GTF2IRD2B: variants seen among roughly 807,000 people sequenced by gnomAD.
The protein encoded by GTF2IRD2B is GTF2I repeat domain containing 2B.
A neutral mutation model predicts 55.6 loss-of-function variants in GTF2IRD2B; 10 were observed. The observed-to-expected ratio is 0.18, with a 90% CI of 0.11 to 0.31. The LOEUF is 0.31. Ranked by LOEUF, GTF2IRD2B falls within the 10% of genes least tolerant of loss-of-function variation. GTF2IRD2B has a pLI of 1.00. For synonymous variants in GTF2IRD2B, 107 were observed against 320.5 expected (o/e 0.33, Z 7.12); for missense variants, 206 against 802.7 (o/e 0.26, Z 8.98).
At chr7:75,146,000 A>C (rs1584552700) in intron 15 of GTF2IRD2B, among the ~76,000 whole-genome samples, 1 of 87,944 alleles carries the variant, frequency 1.1e-5, no homozygotes, top group Non-Finnish European at 2.2e-5. Context: ...CTGGGACAGC[A>C]CTGCCATGCC....
intron 2 of GTF2IRD2B, among the ~76,000 whole-genome samples, chr7:75,112,085 TACACAC>T (rs782659655): frequency 0.012 from 270 of 23,394 alleles, 17 homozygotes; most frequent in East Asian, 0.023. Flanking sequence ...CTACTAAAAA[TACACAC>T]ACACACACAC....
At position 75,112,506 on chromosome 7, in the gene GTF2IRD2B, C is replaced by A. The variant is rs1440249591; in HGVS notation, c.209C>A (p.Thr70Lys). The A allele has an allele frequency of 1.1e-6, 1 of 896,180 alleles. No homozygotes were observed. The highest frequency in any genetic ancestry group is 1.7e-6 in the Non-Finnish European group (1 of 598,906). The allele number at this position is 896,180 out of a possible 1,614,324, so 55.5% of individuals were successfully genotyped here. ...GGATGCGCTTTTGTTAATGCCAGGA[C>A]GGATTTTCAGAAAGATTTTGCAAAA... Reference protein sequence around the residue: ...ERGCAFVNARTDFQKDFAKYC... With the variant: ...ERGCAFVNARKDFQKDFAKYC... The change falls in exon 3 of 16, where the codon ACG (threonine) becomes AAG (lysine). Residue 70 changes from threonine (T) to lysine (K), a missense_variant. Transcript: ENST00000472837.
intron 2 of GTF2IRD2B, among the ~76,000 whole-genome samples, chr7:75,109,441 C>A (rs1807899407): frequency 7.2e-6 from 1 of 137,982 alleles, no homozygotes; most frequent in Non-Finnish European, 1.6e-5. Context: ...CGGGTTCAAG[C>A]AATTCTCCTG....
rs868995676 is a variant in GTF2IRD2B at position 75,123,888 on chromosome 7, A to C, written c.571+372A>C. 93 of 343,938 alleles carry C rather than the reference A, an allele frequency of 2.7e-4. 5 individuals are homozygous for C. Among genetic ancestry groups the C allele is most frequent in the Non-Finnish European group, 1.9e-4 (33 of 175,680 alleles). 21.3% of individuals were successfully genotyped at this position (343,938 alleles called of 1,614,324 possible). On this transcript the variant is annotated intron_variant, in intron 6 of 15. Transcript: ENST00000472837. ...GCAAGACTCCGTCTCAAAAAAAAAAACAAAACTTGAATTTGGGTGAGGGGA... is the reference window on the plus strand; with the variant it reads ...GCAAGACTCCGTCTCAAAAAAAAAACCAAAACTTGAATTTGGGTGAGGGGA...
intron 3 of GTF2IRD2B, among the ~76,000 whole-genome samples, chr7:75,116,614 G>C (rs1274321224): frequency 1.9e-4 from 27 of 141,922 alleles, no homozygotes; most frequent in African/African-American, 6.9e-4. Context: ...GAACAGAAGT[G>C]GGGAGAGAGG....
At chr7:75,133,608 T>G (rs1808735641) in intron 9 of GTF2IRD2B, among the ~76,000 whole-genome samples, 1 of 148,764 alleles carries the variant, frequency 6.7e-6, no homozygotes, top group Admixed American at 6.6e-5. Flanking sequence ...AGTGGCACTA[T>G]TTCCACTTAC....
At chr7:75,107,032 T>C (rs1807829620) in intron 1 of GTF2IRD2B, among the ~76,000 whole-genome samples, 1 of 151,816 alleles carries the variant, frequency 6.6e-6, no homozygotes, top group South Asian at 2.1e-4. Flanking sequence ...GAAGGAATTT[T>C]CTCTTCCTAT....
intron 8 of GTF2IRD2B, among the ~76,000 whole-genome samples, chr7:75,132,376 G>A: frequency 7.8e-6 from 1 of 128,266 alleles, no homozygotes; most frequent in African/African-American, 3.6e-5. Context: ...AAAAAAAATG[G>A]TTATATATGT....
chr7:75,109,425 G>A (rs1554450459), intron 2 of GTF2IRD2B, among the ~76,000 whole-genome samples: 1 of 139,858 alleles, frequency 7.2e-6, no homozygotes, highest in Admixed American at 7.5e-5. Context: ...TGCAACCTCC[G>A]CCTCCCGGGT....
At chr7:75,104,942 C>A (rs2115697066) in intron 1 of GTF2IRD2B, among the ~76,000 whole-genome samples, 2 of 152,422 alleles carry the variant, frequency 1.3e-5, no homozygotes, top group South Asian at 4.1e-4. Context: ...CACCTGTAAT[C>A]CCAGCACTGG....
chr7:75,130,098 T>TTTCC (rs1404847941), intron 8 of GTF2IRD2B, among the ~76,000 whole-genome samples: 27 of 96,660 alleles, frequency 2.8e-4, no homozygotes, highest in African/African-American at 9.2e-4. Context: ...TTTCTCTTTC[T>TTTCC]TTCTTTCTTT....
At chr7:75,106,424 C>T (rs1238658888) in intron 1 of GTF2IRD2B, among the ~76,000 whole-genome samples, 6 of 151,036 alleles carry the variant, frequency 4.0e-5, no homozygotes, top group African/African-American at 4.9e-5. Context: ...GTCTTCCTTC[C>T]GCATGCACAC....
intron 4 of GTF2IRD2B, 91 bp from the exon 5 acceptor site, chr7:75,123,045 G>C (rs1808431798): frequency 6.4e-7 from 1 of 1,569,852 alleles, no homozygotes; most frequent in South Asian, 1.2e-5. Context: ...GCGAGACTCT[G>C]TTTCTACAAA....
In GTF2IRD2B at chr7:75,149,328, G is replaced by T. The variant is rs1554454729; in HGVS notation, c.*31G>T. On this transcript the variant is annotated 3_prime_UTR_variant, in exon 16 of 16. Coordinates refer to ENST00000472837, the MANE Select transcript of GTF2IRD2B (RefSeq NM_001003795.3). ...AGAAAACTCCTGGCAGGGCCCTATGGTGGGAAAGGCTGGAGTCTTCTAGTC... is the reference window on the plus strand; with the variant it reads ...AGAAAACTCCTGGCAGGGCCCTATGTTGGGAAAGGCTGGAGTCTTCTAGTC... 1 of 752,262 alleles carries T rather than the reference G, an allele frequency of 1.3e-6. No homozygotes were observed. Among genetic ancestry groups the T allele is most frequent in the African/African-American group, 1.8e-5 (1 of 56,622 alleles). The allele number at this position is 752,262 out of a possible 1,614,324, so 46.6% of individuals were successfully genotyped here.
chr7:75,127,776 G>GA (rs1421559426), intron 8 of GTF2IRD2B, among the ~76,000 whole-genome samples: 1 of 59,604 alleles, frequency 1.7e-5, no homozygotes, highest in Non-Finnish European at 3.3e-5. Flanking sequence ...GTGTATACTG[G>GA]AAAAAAAATC....
chr7:75,106,554 T>G (rs1381443713), intron 1 of GTF2IRD2B, among the ~76,000 whole-genome samples: 1 of 119,554 alleles, frequency 8.4e-6, no homozygotes, highest in Non-Finnish European at 1.7e-5. Flanking sequence ...GTTTTTAAGA[T>G]TTCAGAGAAT....
In GTF2IRD2B at chr7:75,107,357, C is replaced by T. The variant is rs1469120624; in HGVS notation, c.-5-1603C>T. ...TTGGGAGGCTGAGGTGGGCGGATCA[C>T]GAGGTCAGGAGATCGAGACCATCCT... On this transcript the variant is annotated intron_variant, in intron 1 of 15. Coordinates refer to ENST00000472837, the MANE Select transcript of GTF2IRD2B (RefSeq NM_001003795.3). 3.9e-5 allele frequency among the ~76,000 whole-genome samples: 6 copies of T among 151,922 alleles called. No individual in the cohort carries two copies. The South Asian group carries it at 1.0e-3, about 26-fold the overall frequency.
At chr7:75,104,728 C>CA (rs1391498088) in intron 1 of GTF2IRD2B, among the ~76,000 whole-genome samples, 2 of 152,218 alleles carry the variant, frequency 1.3e-5, no homozygotes, top group Admixed American at 6.6e-5. Flanking sequence ...CTTTGATGTG[C>CA]ATTTGCTTGG....
At position 75,119,866 on chromosome 7, in the gene GTF2IRD2B, G is replaced by T. The variant is rs587752079; in HGVS notation, c.239-1025G>T. On this transcript the variant is annotated intron_variant, in intron 3 of 15. Coordinates refer to ENST00000472837, the MANE Select transcript of GTF2IRD2B (RefSeq NM_001003795.3). ...ATACTTGGCGGGGTGTGGTGGCTCA[G>T]GCCTGTAATCCCAGCACTTTGGGAG... Among the ~76,000 whole-genome samples, 93 of 98,884 alleles carry T rather than the reference G, an allele frequency of 9.4e-4. 10 individuals carry two copies. The South Asian group carries it at 0.027, about 28-fold the overall frequency. The allele number at this position is 98,884 out of a possible 152,430, so 64.9% of individuals were successfully genotyped here. A position where few individuals can be genotyped will look rare whatever the true frequency, so the allele number is the denominator to read the frequency against.
Sources: gnomAD v4.1 joint callset for allele counts (sites outside exome capture counted in the v4.1 genomes callset) on GRCh38, gnomAD v4.1.1 for gene constraint, MANE v1.5 for transcripts, NCBI Gene and HGNC (gene_info 2026-07-23, HGNC 2026-07-21) for gene names.